The following NCALD variants were observed in gnomAD, a reference collection of about 807,000 sequenced individuals.
NCALD encodes the protein neurocalcin-delta.
Under a neutral mutation model 18.6 loss-of-function variants are expected in NCALD, and 10 were observed. The observed-to-expected ratio is 0.54, with a 90% CI of 0.33 to 0.91. The LOEUF is 0.91. Among genes scored for constraint, NCALD ranks in the 40% least tolerant of loss-of-function variants. The pLI, the probability that NCALD is intolerant of heterozygous loss-of-function variation, is 0.03. For synonymous variants in NCALD, 88 were observed against 87.4 expected, an observed-to-expected ratio of 1.01 and a Z score of -0.04; for missense variants, 184 against 247.6, an observed-to-expected ratio of 0.74 and a Z score of 1.72.
At position 101,719,333 on chromosome 8, in the gene NCALD, C is replaced by T. The variant is rs1379401528; in HGVS notation, c.297G>A (p.Gln99=). 6.2e-7 allele frequency: 1 copy of T among 1,614,206 alleles called. No individual in the cohort carries two copies. The highest frequency in any genetic ancestry group is 1.1e-5 in the South Asian group (1 of 91,084). Residue 99 remains glutamine, a synonymous_variant, in exon 2 of 4, where the codon CAG becomes CAA. Coordinates refer to ENST00000220931, the MANE Select transcript of NCALD (RefSeq NM_032041.3). ...LSVTSRGKLE[Q]KLKWAFSMYD... The stretch of plus-strand genomic sequence containing the variant: ...ACATGCTGAAGGCCCATTTCAGCTT[C>T]TGCTCCAGCTTCCCCCTCGAAGTTA...
chr8:101,736,860 C>A (rs1054084067), intron 1 of NCALD, among the ~76,000 whole-genome samples: 1 of 152,102 alleles, frequency 6.6e-6, no homozygotes, highest in African/African-American at 2.4e-5. Flanking sequence ...TCTGGCTGGA[C>A]AAGAATTATA....
intron 1 of NCALD, among the ~76,000 whole-genome samples, chr8:101,772,316 C>G (rs904000060): frequency 6.6e-6 from 1 of 152,172 alleles, no homozygotes; most frequent in Non-Finnish European, 1.5e-5. Flanking sequence ...ACCCTAGAAC[C>G]AGCCTTCTGT....
At chr8:101,760,743 C>T (rs1345779430) in intron 1 of NCALD, among the ~76,000 whole-genome samples, 2 of 152,162 alleles carry the variant, frequency 1.3e-5, no homozygotes, top group Non-Finnish European at 2.9e-5. Context: ...TAGTAATTTA[C>T]ATTCAAATAG....
chr8:101,779,424 T>C (rs914120031), intron 1 of NCALD, among the ~76,000 whole-genome samples: 6 of 152,140 alleles, frequency 3.9e-5, no homozygotes, highest in African/African-American at 1.4e-4. Flanking sequence ...TTTCTCCAGG[T>C]CAGAGAAGAC....
At chr8:101,957,960 C>T (rs1049552042) in intron 2 of NCALD, among the ~76,000 whole-genome samples, 8 of 152,134 alleles carry the variant, frequency 5.3e-5, no homozygotes, top group African/African-American at 1.4e-4. Flanking sequence ...GTGCACTTCT[C>T]CTCCAGAAAC....
intron 3 of NCALD, chr8:101,690,429 C>G: frequency 2.0e-6 from 2 of 985,468 alleles, no homozygotes; most frequent in Non-Finnish European, 2.4e-6. Context: ...CCAAGGGCAG[C>G]ACCCGGCCTG....
intron 3 of NCALD, among the ~76,000 whole-genome samples, chr8:101,900,726 T>C (rs1346058899): frequency 6.6e-6 from 1 of 152,058 alleles, no homozygotes; most frequent in Non-Finnish European, 1.5e-5. Flanking sequence ...ACACTTTGTA[T>C]AATTTCAATT....
intron 1 of NCALD, among the ~76,000 whole-genome samples, chr8:101,786,493 G>A (rs1021176900): frequency 6.6e-6 from 1 of 152,166 alleles, no homozygotes; most frequent in Non-Finnish European, 1.5e-5. Context: ...GATCTCCAAC[G>A]ATATTGTAAA....
In NCALD at chr8:101,972,062, C is replaced by T. The variant is rs375609713; in HGVS notation, c.-157+48175G>A. Among the ~76,000 whole-genome samples, 65 of 152,222 alleles carry T rather than the reference C, an allele frequency of 4.3e-4. 1 individual carries two copies. Among genetic ancestry groups the T allele is most frequent in the African/African-American group, 1.3e-3 (53 of 41,536 alleles). ...TCACAAAACCTCTCACAGGAATCCA[C>T]GGATTCACTAGAGGTATGTGAGGAG... On this transcript the variant is annotated intron_variant, in intron 2 of 6. Transcript: ENST00000311028.
intron 1 of NCALD, among the ~76,000 whole-genome samples, chr8:102,039,006 C>G (rs538239344): frequency 7.2e-5 from 11 of 152,284 alleles, no homozygotes; most frequent in African/African-American, 2.6e-4. Flanking sequence ...CCTCTAAAAG[C>G]TAAGTGAGGA....
chr8:102,112,128 A>G (rs1825659702), intron 1 of NCALD, among the ~76,000 whole-genome samples: 2 of 152,312 alleles, frequency 1.3e-5, no homozygotes, highest in Non-Finnish European at 2.9e-5. Flanking sequence ...ACCTTGTATG[A>G]GATTATTTTC....
chr8:101,913,191 T>A (rs1448785738), intron 3 of NCALD, among the ~76,000 whole-genome samples: 2 of 152,214 alleles, frequency 1.3e-5, no homozygotes, highest in African/African-American at 4.8e-5. Context: ...AACACAATAC[T>A]CATTGTTTTA....
At chr8:101,931,652 CT>C (rs1563909153) in intron 2 of NCALD, among the ~76,000 whole-genome samples, 3 of 150,316 alleles carry the variant, frequency 2.0e-5, no homozygotes, top group African/African-American at 7.3e-5. Context: ...CTCGTATTTT[CT>C]TTGTTTGTTT....
At chr8:101,760,733 T>C (rs1811078056) in intron 1 of NCALD, among the ~76,000 whole-genome samples, 1 of 152,186 alleles carries the variant, frequency 6.6e-6, no homozygotes, top group Non-Finnish European at 1.5e-5. Context: ...CCATAAGCAG[T>C]AGTAATTTAC....
At chr8:102,036,251 C>A (rs1029576508) in intron 1 of NCALD, among the ~76,000 whole-genome samples, 2 of 151,724 alleles carry the variant, frequency 1.3e-5, no homozygotes, top group African/African-American at 4.8e-5. Flanking sequence ...TTTGAGGCTG[C>A]AGTGTGCAGT....
At chr8:102,057,435 G>A (rs1416015624) in intron 1 of NCALD, among the ~76,000 whole-genome samples, 5 of 152,138 alleles carry the variant, frequency 3.3e-5, no homozygotes, top group Non-Finnish European at 7.4e-5. Context: ...ACCAAAGAAG[G>A]TTTGTAATAC....
chr8:102,017,111 GA>G (rs1230681856), intron 2 of NCALD, among the ~76,000 whole-genome samples: 1 of 152,132 alleles, frequency 6.6e-6, no homozygotes, highest in Non-Finnish European at 1.5e-5. Context: ...GATCATGCAA[GA>G]GCTGTCAAAC....
intron 2 of NCALD, among the ~76,000 whole-genome samples, chr8:101,715,918 C>T (rs1383466836): frequency 6.6e-6 from 1 of 152,154 alleles, no homozygotes; most frequent in African/African-American, 2.4e-5. Flanking sequence ...GGCGATTCCT[C>T]AAGGATCTAG....
At chr8:102,096,156 G>T (rs1208830911) in intron 1 of NCALD, among the ~76,000 whole-genome samples, 2 of 152,234 alleles carry the variant, frequency 1.3e-5, no homozygotes, top group South Asian at 4.1e-4. Context: ...TGGTCCAAGG[G>T]ATGAGGCTAA....
Sources: gnomAD v4.1 joint callset for allele counts (sites outside exome capture counted in the v4.1 genomes callset) on GRCh38, gnomAD v4.1.1 for gene constraint, MANE v1.5 for transcripts, NCBI Gene and HGNC (gene_info 2026-07-23, HGNC 2026-07-21) for gene names.